The following TBC1D22A variants were observed in gnomAD, a reference collection of about 807,000 sequenced individuals.
TBC1D22A encodes TBC1 domain family member 22A, also known as putative GTPase activator.
In TBC1D22A, 38 loss-of-function variants were observed where a neutral mutation model predicts 60.2. The ratio of observed to expected loss-of-function variants is 0.63; its 90% confidence interval spans 0.49 to 0.83. The LOEUF is 0.83. TBC1D22A is among the 40% of genes least tolerant of loss of function. TBC1D22A has a pLI of 0.00. For missense variants in TBC1D22A, 628 were observed against 701.0 expected (o/e 0.90, Z 1.18); for synonymous variants, 302 against 281.7 (o/e 1.07, Z -0.72).
At chr22:47,133,440 T>C (rs1012431002) in intron 12 of TBC1D22A, among the ~76,000 whole-genome samples, 7 of 152,158 alleles carry the variant, frequency 4.6e-5, no homozygotes, top group African/African-American at 1.7e-4. Flanking sequence ...GGAGGCTGAT[T>C]CCAAGGATTT....
intron 4 of TBC1D22A, among the ~76,000 whole-genome samples, chr22:46,803,459 G>A (rs1476242785): frequency 6.6e-6 from 1 of 152,046 alleles, no homozygotes; most frequent in African/African-American, 2.4e-5. Context: ...GGGAGCTGGG[G>A]CCCGGCCCCC....
At chr22:46,816,305 C>T (rs916280360) in intron 4 of TBC1D22A, among the ~76,000 whole-genome samples, 8 of 152,166 alleles carry the variant, frequency 5.3e-5, no homozygotes, top group South Asian at 2.1e-4. Flanking sequence ...GGCTTGGTGC[C>T]GGGCCTGGCT....
intron 8 of TBC1D22A, among the ~76,000 whole-genome samples, chr22:46,972,348 C>T (rs192550231): frequency 3.3e-5 from 5 of 152,334 alleles, no homozygotes; most frequent in East Asian, 1.9e-4. Context: ...ATCCCGCCCA[C>T]GGGACCGGCT....
At chr22:46,781,855 G>A (rs2083954297) in intron 1 of TBC1D22A, among the ~76,000 whole-genome samples, 3 of 152,202 alleles carry the variant, frequency 2.0e-5, no homozygotes, top group African/African-American at 7.2e-5. Flanking sequence ...TGTGTTTGTA[G>A]GATCAGCAGG....
At chr22:47,089,926 C>T (rs1258565550) in intron 11 of TBC1D22A, among the ~76,000 whole-genome samples, 1 of 152,136 alleles carries the variant, frequency 6.6e-6, no homozygotes, top group Non-Finnish European at 1.5e-5. Context: ...TGTAAATGCT[C>T]AGTCATCAGT....
At chr22:47,072,144 G>T (rs1004041362) in intron 11 of TBC1D22A, among the ~76,000 whole-genome samples, 1 of 152,220 alleles carries the variant, frequency 6.6e-6, no homozygotes, top group Non-Finnish European at 1.5e-5. Context: ...TGGCCAGGAC[G>T]CTGGTGGGCT....
intron 8 of TBC1D22A, among the ~76,000 whole-genome samples, chr22:46,957,037 G>A (rs1201625789): frequency 6.6e-6 from 1 of 152,228 alleles, no homozygotes; most frequent in Non-Finnish European, 1.5e-5. Context: ...GGTCCCTGAA[G>A]GCTCGCCTGT....
At chr22:46,846,308 A>C (rs1209300861) in intron 4 of TBC1D22A, among the ~76,000 whole-genome samples, 1 of 151,882 alleles carries the variant, frequency 6.6e-6, no homozygotes, top group East Asian at 1.9e-4. Flanking sequence ...GCACTGATCC[A>C]TTTGTATGTA....
chr22:46,791,531 GT>G (rs11351638), intron 1 of TBC1D22A, among the ~76,000 whole-genome samples: 65,434 of 140,556 alleles, frequency 0.47, 14,882 homozygotes, highest in East Asian at 0.59. Context: ...AGCTAAGCCT[GT>G]TTTTTTTTTT....
chr22:46,933,876 G>A (rs1442439064), intron 8 of TBC1D22A, among the ~76,000 whole-genome samples: 2 of 152,262 alleles, frequency 1.3e-5, no homozygotes, highest in Admixed American at 6.5e-5. Flanking sequence ...GGAAGCAGAG[G>A]TGGGGACAGG....
chr22:46,824,982 C>T (rs1045546232), intron 4 of TBC1D22A, among the ~76,000 whole-genome samples: 12 of 151,944 alleles, frequency 7.9e-5, no homozygotes, highest in African/African-American at 1.9e-4. Context: ...AGGATGGGGA[C>T]GTGGGGTGTG....
At chr22:47,048,168 C>CT (rs2063091124) in intron 11 of TBC1D22A, among the ~76,000 whole-genome samples, 1 of 152,164 alleles carries the variant, frequency 6.6e-6, no homozygotes, top group African/African-American at 2.4e-5. Context: ...AGAGGAGCCC[C>CT]AGGCTGGGCC....
chr22:46,976,351 G>A (rs1278699906), intron 9 of TBC1D22A, among the ~76,000 whole-genome samples: 1 of 152,132 alleles, frequency 6.6e-6, no homozygotes, highest in African/African-American at 2.4e-5. Context: ...CTTCTCTCAC[G>A]TGCCACGATG....
chr22:46,880,509 C>T (rs888343788), intron 5 of TBC1D22A, among the ~76,000 whole-genome samples: 2 of 152,170 alleles, frequency 1.3e-5, no homozygotes, highest in African/African-American at 4.8e-5. Context: ...ACATGTAGTC[C>T]TTTAACCATC....
At chr22:47,002,744 G>T (rs1420901939) in intron 10 of TBC1D22A, among the ~76,000 whole-genome samples, 4 of 152,174 alleles carry the variant, frequency 2.6e-5, no homozygotes, top group African/African-American at 9.7e-5. Flanking sequence ...GAGGGGAGTG[G>T]GAAGAGCTGT....
Position 46,904,142 on chromosome 22 carries a change from T to TCTAC in TBC1D22A, c.901-7902_901-7899dup, listed in dbSNP as rs11268390. Among the ~76,000 whole-genome samples the TCTAC allele has an allele frequency of 3.3e-3, 440 of 134,564 alleles. 4 individuals are homozygous for TCTAC. The highest frequency in any genetic ancestry group is 5.3e-3 in the South Asian group (22 of 4,142). 88.3% of individuals were successfully genotyped at this position (134,564 alleles called of 152,430 possible). The stretch of plus-strand genomic sequence containing the variant: ...ATCTATCTATCTATCTATCTATCTA[T>TCTAC]CTACCTACCTACCTACCTACCTACC... On this transcript the variant is annotated intron_variant, in intron 7 of 12. Coordinates refer to ENST00000337137, the MANE Select transcript of TBC1D22A (RefSeq NM_014346.5).
intron 8 of TBC1D22A, among the ~76,000 whole-genome samples, chr22:46,917,893 G>A (rs572129617): frequency 2.0e-5 from 3 of 152,296 alleles, no homozygotes; most frequent in East Asian, 1.9e-4. Context: ...GAGTCTGGGC[G>A]TTGAGAGTCC....
chr22:46,797,502 C>T lies in TBC1D22A; in HGVS notation c.519C>T (p.Thr173=), dbSNP rs769407845. ...QRSQSLPHSA[T]VTLGGTSDPS... is the part of the protein sequence containing the mutation. ...CCCAGTCTCTCCCACACTCGGCCAC[C>T]GTCACGCTGGGTGGCACATCTGACC... Residue 173 remains threonine, a synonymous_variant, in exon 4 of 13, where the codon ACC becomes ACT. Coordinates refer to ENST00000337137, the MANE Select transcript of TBC1D22A (RefSeq NM_014346.5). The T allele has an allele frequency of 3.1e-5, 50 of 1,613,960 alleles. No homozygotes were observed. The highest frequency in any genetic ancestry group is 4.0e-5 in the Non-Finnish European group (47 of 1,180,024).
intron 4 of TBC1D22A, among the ~76,000 whole-genome samples, chr22:46,839,724 A>T (rs2086670621): frequency 6.6e-6 from 1 of 152,262 alleles, no homozygotes; most frequent in African/African-American, 2.4e-5. Flanking sequence ...TCAAAACAGT[A>T]TGATATTGGC....
Sources: gnomAD v4.1 joint callset for allele counts (sites outside exome capture counted in the v4.1 genomes callset) on GRCh38, gnomAD v4.1.1 for gene constraint, MANE v1.5 for transcripts, NCBI Gene and HGNC (gene_info 2026-07-23, HGNC 2026-07-21) for gene names.